PRDM16: variants seen among roughly 807,000 people sequenced by gnomAD.
The protein encoded by PRDM16 is PR/SET domain 16, also known as histone-lysine N-methyltransferase PRDM16.
A neutral mutation model predicts 110.6 loss-of-function variants in PRDM16; 23 were observed. The ratio of observed to expected loss-of-function variants is 0.21; its 90% CI spans 0.15 to 0.29. The LOEUF is 0.29. PRDM16 is among the 10% of genes least tolerant of loss of function. The pLI, the probability that PRDM16 is intolerant of heterozygous loss-of-function variation, is 1.00. For synonymous variants in PRDM16, 799 were observed against 781.8 expected (o/e 1.02, Z -0.37); for missense variants, 1,615 against 1,794.3 (o/e 0.90, Z 1.81).
At chr1:3,292,104 G>T (rs1640985888) in intron 3 of PRDM16, among the ~76,000 whole-genome samples, 1 of 152,278 alleles carries the variant, frequency 6.6e-6, no homozygotes, top group African/African-American at 2.4e-5. Context: ...TGGGCCCACA[G>T]GCCTTGGCAG....
chr1:3,266,536 C>T lies in PRDM16; in HGVS notation c.438+22399C>T, dbSNP rs541335202. Among the ~76,000 whole-genome samples the T allele has an allele frequency of 3.9e-3, 596 of 152,316 alleles. 3 individuals are homozygous for T. Among genetic ancestry groups the T allele is most frequent in the African/African-American group, 0.014 (573 of 41,564 alleles). On this transcript the variant is annotated intron_variant, in intron 3 of 16. Coordinates refer to ENST00000270722, the MANE Select transcript of PRDM16 (RefSeq NM_022114.4). ...TGGAGGCATTGCTGCTCCGCTCCTC[C>T]GACGAGGAGAGGGCCCCAGGGGCAG...
At chr1:3,278,360 C>T (rs918464023) in intron 3 of PRDM16, among the ~76,000 whole-genome samples, 7 of 152,224 alleles carry the variant, frequency 4.6e-5, no homozygotes, top group Admixed American at 3.3e-4. Flanking sequence ...CTAATACTGT[C>T]TGGATGGCAA....
intron 3 of PRDM16, among the ~76,000 whole-genome samples, chr1:3,305,279 C>A (rs917681480): frequency 6.6e-6 from 1 of 152,228 alleles, no homozygotes; most frequent in African/African-American, 2.4e-5. Flanking sequence ...TCTCCGCAGG[C>A]CCCCGGGAAC....
chr1:3,402,353 GC>G (rs1186933834), intron 5 of PRDM16, among the ~76,000 whole-genome samples: 1 of 152,234 alleles, frequency 6.6e-6, no homozygotes, highest in Non-Finnish European at 1.5e-5. Context: ...AATAATAGCT[GC>G]CCCCCTTTTA....
At chr1:3,231,919 C>G (rs769161141) in intron 2 of PRDM16, among the ~76,000 whole-genome samples, 3 of 152,234 alleles carry the variant, frequency 2.0e-5, no homozygotes, top group Non-Finnish European at 4.4e-5. Flanking sequence ...ATGGACGTTG[C>G]AAGACTCCAG....
chr1:3,142,845 C>T (rs1643578443), intron 1 of PRDM16, among the ~76,000 whole-genome samples: 1 of 152,188 alleles, frequency 6.6e-6, no homozygotes, highest in African/African-American at 2.4e-5. Context: ...TTGGCTGGGG[C>T]CCTGGTGTTA....
chr1:3,189,635 A>G lies in PRDM16; in HGVS notation c.387+3161A>G, dbSNP rs146260538. On this transcript the variant is annotated intron_variant, in intron 2 of 16. Transcript: ENST00000270722. ...ATTTATTTACTGAAAAAGAACAAGTAAAGATATTTTAGTAAAGATAACAAG... is the reference window on the plus strand; with the variant it reads ...ATTTATTTACTGAAAAAGAACAAGTGAAGATATTTTAGTAAAGATAACAAG... Among the ~76,000 whole-genome samples the G allele has an allele frequency of 2.6e-3, 397 of 152,396 alleles. 2 individuals carry two copies. Among genetic ancestry groups the G allele is most frequent in the Non-Finnish European group, 4.0e-3 (273 of 68,038 alleles).
chr1:3,248,018 G>A (rs904446151), intron 3 of PRDM16, among the ~76,000 whole-genome samples: 2 of 152,216 alleles, frequency 1.3e-5, no homozygotes, highest in African/African-American at 4.8e-5. Context: ...CGCCGGAGCC[G>A]GTAATAAAAA....
At position 3,195,763 on chromosome 1, in the gene PRDM16, TC is replaced by T. The variant is rs1638458927; in HGVS notation, c.387+9294del. On this transcript the variant is annotated intron_variant, in intron 2 of 16. Transcript: ENST00000270722. ...GGGCGTGGCCCAGCCTCCCCCTAGG[TC>T]CCCCAAGGCTCCCTGTGAGAACAGG... Among the ~76,000 whole-genome samples the T allele has an allele frequency of 7.9e-5, 12 of 152,058 alleles. No homozygotes were observed. The South Asian group carries it at 2.5e-3, about 31-fold the overall frequency.
At chr1:3,369,696 CAATT>C (rs1299874205) in intron 3 of PRDM16, among the ~76,000 whole-genome samples, 4 of 152,208 alleles carry the variant, frequency 2.6e-5, no homozygotes, top group Admixed American at 1.3e-4. Context: ...ATGTCTCTCT[CAATT>C]AAGCCAAAAG....
chr1:3,249,157 C>T (rs1289520943), intron 3 of PRDM16, among the ~76,000 whole-genome samples: 1 of 149,658 alleles, frequency 6.7e-6, no homozygotes, highest in Non-Finnish European at 1.5e-5. Context: ...AGTCCTGTGG[C>T]TCACTGTGTT....
chr1:3,096,326 GC>G (rs962910188), intron 1 of PRDM16, among the ~76,000 whole-genome samples: 2 of 152,116 alleles, frequency 1.3e-5, no homozygotes, highest in South Asian at 2.1e-4. Context: ...AACCCCGCGG[GC>G]CCCTTCCTCA....
chr1:3,312,999 T>C (rs1160705327), intron 3 of PRDM16, among the ~76,000 whole-genome samples: 2 of 152,210 alleles, frequency 1.3e-5, no homozygotes, highest in Admixed American at 1.3e-4. Context: ...AGGCCTGGGT[T>C]TGCCTACGAA....
At chr1:3,333,828 C>G (rs2100494079) in intron 3 of PRDM16, among the ~76,000 whole-genome samples, 1 of 152,206 alleles carries the variant, frequency 6.6e-6, no homozygotes, top group South Asian at 2.1e-4. Context: ...TTAAAAGAGT[C>G]TAGGACCTCC....
intron 1 of PRDM16, among the ~76,000 whole-genome samples, chr1:3,079,198 C>G (rs547027848): frequency 6.6e-6 from 1 of 152,248 alleles, no homozygotes; most frequent in East Asian, 1.9e-4. Flanking sequence ...ACTGTGCTCC[C>G]GAGTGAAGGC....
chr1:3,150,514 C>T (rs1273964081), intron 1 of PRDM16, among the ~76,000 whole-genome samples: 5 of 152,056 alleles, frequency 3.3e-5, no homozygotes, highest in African/African-American at 9.7e-5. Context: ...GCCGAAATTG[C>T]GCCACAGCGC....
intron 3 of PRDM16, among the ~76,000 whole-genome samples, chr1:3,293,381 A>G (rs1477190778): frequency 6.6e-6 from 1 of 152,186 alleles, no homozygotes; most frequent in African/African-American, 2.4e-5. Flanking sequence ...AACACCGTGA[A>G]TGCCGGCTTT....
intron 2 of PRDM16, among the ~76,000 whole-genome samples, chr1:3,236,730 G>A (rs16823587): frequency 0.041 from 6,283 of 152,330 alleles, 374 homozygotes; most frequent in East Asian, 0.25. Context: ...GGGTGAGCCC[G>A]GGTTAGCACT....
chr1:3,414,532 G>T, intron 9 of PRDM16, 28 bp from the exon 10 acceptor site: 1 of 1,580,922 alleles, frequency 6.3e-7, no homozygotes, highest in Non-Finnish European at 8.7e-7. Flanking sequence ...GCTCGGTGGG[G>T]TACGTAACCC....
Sources: allele counts gnomAD v4.1 joint callset (sites outside exome capture counted in the v4.1 genomes callset), GRCh38; gene constraint gnomAD v4.1.1; transcripts MANE v1.5; gene names NCBI Gene and HGNC (gene_info 2026-07-23, HGNC 2026-07-21).